Variants in SPATC1L observed in about 807,000 individuals in gnomAD.
The protein encoded by SPATC1L is spermatogenesis and centriole associated 1 like.
SPATC1L carries 20 observed loss-of-function variants against 21.2 expected under a neutral mutation model. The observed-to-expected ratio is 0.94, with a 90% CI of 0.66 to 1.37. SPATC1L has a LOEUF of 1.37. Ranked by LOEUF, SPATC1L falls within the 40% of genes most tolerant of loss-of-function variation. SPATC1L has a pLI of 0.00. For missense variants in SPATC1L, 499 were observed against 478.7 expected, an observed-to-expected ratio of 1.04 and a Z score of -0.40; for synonymous variants, 290 against 234.5, an observed-to-expected ratio of 1.24 and a Z score of -2.16.
chr21:46,180,871 C>A (rs1287978125), intron 2 of SPATC1L, among the ~76,000 whole-genome samples: 2 of 152,218 alleles, frequency 1.3e-5, no homozygotes, highest in East Asian at 3.9e-4. Flanking sequence ...GAGGCTCCTC[C>A]CAAGACCCGT....
At chr21:46,170,761 G>T (rs75031288) in intron 2 of SPATC1L, among the ~76,000 whole-genome samples, 1 of 119,458 alleles carries the variant, frequency 8.4e-6, no homozygotes, top group African/African-American at 3.9e-5. Context: ...GGAGCCTCCT[G>T]CTCTGTGAAC....
At chr21:46,172,805 G>A (rs1282248869) in intron 2 of SPATC1L, among the ~76,000 whole-genome samples, 3 of 152,246 alleles carry the variant, frequency 2.0e-5, no homozygotes, top group African/African-American at 7.2e-5. Flanking sequence ...AGGGCAGATG[G>A]AGGGAGCACA....
rs1398596217 is a variant in SPATC1L, at chr21:46,161,517, G to A, written c.885C>T (p.Pro295=). The A allele has an allele frequency of 1.9e-6, 3 of 1,609,932 alleles. No individual in the cohort carries two copies. The highest frequency in any genetic ancestry group is 1.7e-5 in the Admixed American group (1 of 59,774). ...LKQRPDLRAN[P]LHSSPAALRK... ...GCAGCGCGGCCGGGCTGCTGTGCAG[G>A]GGGTTGGCGCGCAGGTCGGGCCGCT... Residue 295 remains proline (P), a synonymous_variant, in exon 5 of 5, where the codon CCC becomes CCT. Coordinates refer to ENST00000291672, the MANE Select transcript of SPATC1L (RefSeq NM_001142854.2).
chr21:46,170,717 C>T (rs1489249305), intron 2 of SPATC1L, among the ~76,000 whole-genome samples: 23 of 128,130 alleles, frequency 1.8e-4, no homozygotes, highest in South Asian at 4.6e-4. Flanking sequence ...GGGGAGGAGC[C>T]TCCTGCTCTG....
rs920342869 is a variant in SPATC1L, at chr21:46,184,458, A to G, written c.-1061T>C. On this transcript the variant is annotated 5_prime_UTR_variant, in exon 1 of 5. Coordinates refer to ENST00000291672, the MANE Select transcript of SPATC1L (RefSeq NM_001142854.2). ...TGGGAAGGGACGTACGGCAGAAAGCACAACCCAGTGGGCCGGCCACACCTC... is the reference window on the plus strand; with the variant it reads ...TGGGAAGGGACGTACGGCAGAAAGCGCAACCCAGTGGGCCGGCCACACCTC... 6.0e-6 allele frequency: 1 copy of G among 165,372 alleles called. No homozygotes were observed. Among genetic ancestry groups the G allele is most frequent in the Non-Finnish European group, 1.3e-5 (1 of 75,158 alleles). 10.2% of individuals were successfully genotyped at this position (165,372 alleles called of 1,614,324 possible).
chr21:46,179,194 T>C (rs1342912848), intron 2 of SPATC1L, among the ~76,000 whole-genome samples: 1 of 148,664 alleles, frequency 6.7e-6, no homozygotes, highest in African/African-American at 2.5e-5. Context: ...CTGCAGTGAG[T>C]CATGATCATT....
intron 2 of SPATC1L, among the ~76,000 whole-genome samples, chr21:46,173,325 G>A (rs1485807689): frequency 6.6e-6 from 1 of 152,092 alleles, no homozygotes; most frequent in Non-Finnish European, 1.5e-5. Context: ...GACTGTGCCT[G>A]GCCAGTGGAG....
At chr21:46,161,847 C>A in intron 4 of SPATC1L, 69 bp downstream of exon 4, 1 of 1,563,044 alleles carries the variant, frequency 6.4e-7, no homozygotes. Flanking sequence ...GAGCCAAGAT[C>A]TGGGGGCCGC....
chr21:46,162,124 G>C, intron 3 of SPATC1L, 57 bp from the exon 4 acceptor site: 1 of 1,489,784 alleles, frequency 6.7e-7, no homozygotes, highest in Non-Finnish European at 9.0e-7. Flanking sequence ...CACTGCCCTC[G>C]AGGGTGCCCT....
At chr21:46,175,659 G>C (rs1233687211) in intron 2 of SPATC1L, among the ~76,000 whole-genome samples, 1 of 152,124 alleles carries the variant, frequency 6.6e-6, no homozygotes, top group South Asian at 2.1e-4. Context: ...AATTGAGTCA[G>C]TAATAAATAG....
At position 46,161,464 on chromosome 21, in the gene SPATC1L, G is replaced by T. The variant is rs751086468; in HGVS notation, c.938C>A (p.Pro313His). 11 of 1,596,168 alleles carry T rather than the reference G, an allele frequency of 6.9e-6. No individual in the cohort carries two copies. The highest frequency in any genetic ancestry group is 7.7e-6 in the Non-Finnish European group (9 of 1,169,262). Residue 313 changes from proline to histidine, a missense_variant, in exon 5 of 5, where the codon CCC (proline) becomes CAC (histidine). By Grantham distance (77) the Pro-to-His change is moderately conservative (BLOSUM62 -2). Coordinates refer to ENST00000291672, the MANE Select transcript of SPATC1L (RefSeq NM_001142854.2). ...CAGCAGCGAGTCGCCCAGGAACTTGGGGGGCACCACGTCGATGACCAGCTT... is the reference window on the plus strand; with the variant it reads ...CAGCAGCGAGTCGCCCAGGAACTTGTGGGGCACCACGTCGATGACCAGCTT... The part of the protein sequence containing the change: ...LRKLVIDVVP[P>H]KFLGDSLLLL...
At chr21:46,173,851 G>GC (rs1163303960) in intron 2 of SPATC1L, among the ~76,000 whole-genome samples, 3 of 152,228 alleles carry the variant, frequency 2.0e-5, no homozygotes, top group East Asian at 3.9e-4. Flanking sequence ...CAGTACCTCA[G>GC]CCCCCCAGTG....
chr21:46,178,232 C>CAAAAAA (rs59110880), intron 2 of SPATC1L, among the ~76,000 whole-genome samples: 10 of 39,374 alleles, frequency 2.5e-4, no homozygotes, highest in East Asian at 1.3e-3. Context: ...AACTCCATCT[C>CAAAAAA]AAAAAAAAAA....
intron 2 of SPATC1L, among the ~76,000 whole-genome samples, chr21:46,173,647 G>T (rs2079609281): frequency 6.6e-6 from 1 of 152,084 alleles, no homozygotes. Context: ...ACTCCTGCTT[G>T]CAGGGCACAG....
At chr21:46,177,703 C>T (rs796473973) in intron 2 of SPATC1L, among the ~76,000 whole-genome samples, 7 of 152,232 alleles carry the variant, frequency 4.6e-5, no homozygotes, top group African/African-American at 1.7e-4. Flanking sequence ...GGCGATTCCT[C>T]GAAGACCTAA....
intron 2 of SPATC1L, among the ~76,000 whole-genome samples, chr21:46,176,487 C>T (rs970138834): frequency 1.3e-5 from 2 of 152,142 alleles, no homozygotes; most frequent in African/African-American, 2.4e-5. Context: ...ATACCAACAA[C>T]AATCAAGACA....
intron 4 of SPATC1L, 62 bp from the exon 5 acceptor site, chr21:46,161,767 G>C: frequency 6.7e-7 from 1 of 1,492,276 alleles, no homozygotes; most frequent in Non-Finnish European, 8.9e-7. Context: ...GGACTTCCAG[G>C]CCCAGGGCCG....
intron 3 of SPATC1L, among the ~76,000 whole-genome samples, chr21:46,163,250 T>C (rs2079516174): frequency 2.0e-5 from 3 of 152,230 alleles, no homozygotes; most frequent in Admixed American, 2.0e-4. Context: ...AAACGCACAA[T>C]TTACAAATGT....
In SPATC1L at chr21:46,182,760, C is replaced by T; in HGVS notation, c.57G>A (p.Lys19=). ...SRLLSENADL[K]KQVRLLKENQ... The stretch of plus-strand genomic sequence containing the variant: ...TCTCCTTCAGGAGGCGCACCTGCTT[C>T]TTCAGGTCCGCGTTCTCGCTCAGGA... Residue 19 remains lysine (K), a synonymous_variant, in exon 2 of 5, where the codon AAG becomes AAA. Transcript: ENST00000291672. 6.5e-7 allele frequency: 1 copy of T among 1,547,976 alleles called. No individual in the cohort carries two copies. The highest frequency in any genetic ancestry group is 8.7e-7 in the Non-Finnish European group (1 of 1,146,450).
Sources: allele counts gnomAD v4.1 joint callset (sites outside exome capture counted in the v4.1 genomes callset), GRCh38; gene constraint gnomAD v4.1.1; transcripts MANE v1.5; gene names NCBI Gene and HGNC (gene_info 2026-07-23, HGNC 2026-07-21).